Variants in CCT7 observed in about 807,000 individuals in gnomAD.
CCT7 encodes chaperonin containing TCP1 subunit 7.
In CCT7, 16 loss-of-function variants were observed where a neutral mutation model predicts 56.6. The observed-to-expected ratio is 0.28, with a 90% confidence interval of 0.19 to 0.43. The LOEUF is 0.43. Ranked by LOEUF, CCT7 falls within the 20% of genes least tolerant of loss-of-function variation. The probability of loss-of-function intolerance (pLI) is 1.00; values close to 1 mark genes in which losing one functional copy is unlikely to be tolerated. For synonymous variants in CCT7, 262 were observed against 254.8 expected (o/e 1.03, Z -0.27); for missense variants, 519 against 685.6 (o/e 0.76, Z 2.71).
chr2:73,248,899 T>G, intron 7 of CCT7, 92 bp from the exon 8 acceptor site: 1 of 995,982 alleles, frequency 1.0e-6, no homozygotes, highest in South Asian at 1.6e-5. Context: ...TCAGCATGTT[T>G]TATTTGGTGG....
chr2:73,243,714 C>A, intron 4 of CCT7: 1 of 372,552 alleles, frequency 2.7e-6, no homozygotes, highest in Non-Finnish European at 4.8e-6. Flanking sequence ...TGTTTCCACT[C>A]ATTCGTTGTA....
chr2:73,238,697 A>C (rs1686977538), intron 1 of CCT7, among the ~76,000 whole-genome samples: 1 of 152,266 alleles, frequency 6.6e-6, no homozygotes, highest in South Asian at 2.1e-4. Context: ...AATTAGCCAG[A>C]AACACTTGAG....
At chr2:73,243,915 C>G in intron 4 of CCT7, 82 bp from the exon 5 acceptor site, 2 of 1,284,870 alleles carry the variant, frequency 1.6e-6, no homozygotes, top group Non-Finnish European at 2.3e-6. Flanking sequence ...AGTGAACAGA[C>G]TCAGGACTAT....
At chr2:73,249,645 GT>G (rs139858711) in intron 8 of CCT7, among the ~76,000 whole-genome samples, 173 bp from the exon 9 acceptor site, 10,962 of 147,488 alleles carry the variant, frequency 0.074, 884 homozygotes, top group African/African-American at 0.21. Context: ...GTTCTATTTT[GT>G]TTTTTTTTTG....
At position 73,252,703 on chromosome 2, in the gene CCT7, G is replaced by A. The variant is rs781351580; in HGVS notation, c.1474G>A (p.Val492Met). The A allele has an allele frequency of 6.2e-6, 10 of 1,614,136 alleles. No individual in the cohort carries two copies. The East Asian group carries it at 8.9e-5, about 14-fold the overall frequency. The change falls in exon 12 of 12, where the codon GTG (valine) becomes ATG (methionine). Residue 492 changes from valine (V) to methionine (M), a missense_variant. Val to Met is a conservative substitution (Grantham distance 21, BLOSUM62 1). This residue lies in a region of CCT7 where 237 missense variants were observed against 300.8 expected (regional missense o/e 0.79). Coordinates refer to ENST00000258091, the MANE Select transcript of CCT7 (RefSeq NM_006429.4). ...CATTGCTGACAACTTTGAAGCTTTC[G>A]TGTGGGAGCCAGCTATGGTGCGGAT... The part of the protein sequence containing the change: ...EDIADNFEAF[V>M]WEPAMVRINA...
intron 1 of CCT7, among the ~76,000 whole-genome samples, chr2:73,235,180 A>C (rs370417810): frequency 2.6e-5 from 4 of 152,096 alleles, no homozygotes; most frequent in Non-Finnish European, 4.4e-5. Context: ...TCCTGGAGCC[A>C]CCTAAAGTGC....
intron 2 of CCT7, 90 bp downstream of exon 2, chr2:73,239,886 C>T: frequency 8.9e-7 from 1 of 1,124,820 alleles, no homozygotes; most frequent in Non-Finnish European, 1.3e-6. Flanking sequence ...ATCAGAAATC[C>T]CACTGCTTTT....
chr2:73,249,237 G>C (rs761883450), intron 8 of CCT7, 58 bp downstream of exon 8: 8 of 1,380,440 alleles, frequency 5.8e-6, no homozygotes, highest in Non-Finnish European at 8.0e-6. Context: ...GGTTTTCACT[G>C]ACCCCTGGTA....
At chr2:73,240,351 C>T (rs1056533616) in intron 2 of CCT7, 86 bp from the exon 3 acceptor site, 4 of 862,128 alleles carry the variant, frequency 4.6e-6, no homozygotes, top group African/African-American at 3.4e-5. Context: ...TCTGCCCCAT[C>T]CCAGTAAAGT....
At position 73,243,090 on chromosome 2, in the gene CCT7, C is replaced by T. The variant is rs1430913499; in HGVS notation, c.354C>T (p.Pro118=). ...VKPYVEEGLH[P]QIIIRAFRTA... ...CCTATGTGGAGGAAGGTTTACACCC[C>T]CAGATCATCATTCGAGCTTTCCGCA... Residue 118 remains proline, a synonymous_variant, in exon 4 of 12, where the codon CCC becomes CCT. Transcript: ENST00000258091. 1 of 1,613,880 alleles carries T rather than the reference C, an allele frequency of 6.2e-7. No individual in the cohort carries two copies. Among genetic ancestry groups the T allele is most frequent in the African/African-American group, 1.3e-5 (1 of 74,924 alleles).
Position 73,247,749 on chromosome 2 carries a change from T to A in CCT7, c.619-13T>A. 6.2e-7 allele frequency: 1 copy of A among 1,612,648 alleles called. No individual in the cohort carries two copies. Among genetic ancestry groups the A allele is most frequent in the Non-Finnish European group, 8.5e-7 (1 of 1,178,800 alleles). Reference sequence around the variant, plus strand: ...AGTACCAAACCATTAAAGTGTTTGTTTTTTTAAAACAGGATTCTCAGCTGG... The same window carrying A: ...AGTACCAAACCATTAAAGTGTTTGTATTTTTAAAACAGGATTCTCAGCTGG... On this transcript the variant is annotated splice_polypyrimidine_tract_variant and intron_variant, in intron 6 of 11. Coordinates refer to ENST00000258091, the MANE Select transcript of CCT7 (RefSeq NM_006429.4).
In CCT7 at chr2:73,240,947, G is replaced by A. The variant is rs1351360560; in HGVS notation, c.267+404G>A. Among the ~76,000 whole-genome samples, 5 of 145,818 alleles carry A rather than the reference G, an allele frequency of 3.4e-5. No individual in the cohort carries two copies. The Admixed American group carries it at 3.4e-4, about 10-fold the overall frequency. The stretch of plus-strand genomic sequence containing the variant: ...GATAGGGTCTTACTATGTTTCCCAG[G>A]TTGGCCTTGAACTCCGGGGCTCAAG... On this transcript the variant is annotated intron_variant, in intron 3 of 11. Coordinates refer to ENST00000258091, the MANE Select transcript of CCT7 (RefSeq NM_006429.4).
At position 73,249,041 on chromosome 2, in the gene CCT7, A is replaced by C. The variant is rs756778614; in HGVS notation, c.834A>C (p.Leu278Phe). ...DAEWNILYDK[L>F]EKIHHSGAKV... ...AGTGGAACATTCTCTATGACAAGTT[A>C]GAGAAGATCCATCATTCTGGAGCCA... Residue 278 changes from leucine to phenylalanine, a missense_variant, in exon 8 of 12, where the codon TTA (leucine) becomes TTC (phenylalanine). Transcript: ENST00000258091. 6.2e-7 allele frequency: 1 copy of C among 1,614,064 alleles called. No homozygotes were observed. Among genetic ancestry groups the C allele is most frequent in the Non-Finnish European group, 8.5e-7 (1 of 1,180,014 alleles).
chr2:73,252,295 T>A (rs1255100316), intron 11 of CCT7, among the ~76,000 whole-genome samples: 4 of 149,616 alleles, frequency 2.7e-5, no homozygotes, highest in African/African-American at 9.9e-5. Context: ...ATTTTTGTTA[T>A]TCCTGTTTAT....
intron 1 of CCT7, among the ~76,000 whole-genome samples, chr2:73,236,290 A>G (rs1203415989): frequency 6.6e-6 from 1 of 152,190 alleles, no homozygotes; most frequent in Non-Finnish European, 1.5e-5. Flanking sequence ...TGAAATTCCA[A>G]AACCTTCCAT....
chr2:73,237,115 A>G (rs1378886693), intron 1 of CCT7, among the ~76,000 whole-genome samples: 21 of 152,230 alleles, frequency 1.4e-4, no homozygotes, highest in Admixed American at 1.4e-3. Context: ...GCTTGTACTT[A>G]AGCTGGATGG....
At chr2:73,250,514 G>T in intron 10 of CCT7, 76 bp downstream of exon 10, 2 of 1,548,498 alleles carry the variant, frequency 1.3e-6, no homozygotes, top group Non-Finnish European at 1.8e-6. Flanking sequence ...TTGGATTTGT[G>T]TGGTGATTCC....
At chr2:73,248,902 T>C (rs2103801690) in intron 7 of CCT7, 89 bp from the exon 8 acceptor site, 1 of 1,016,076 alleles carries the variant, frequency 9.8e-7, no homozygotes, top group Middle Eastern at 3.3e-4. Context: ...GCATGTTTTA[T>C]TTGGTGGGGG....
intron 2 of CCT7, 197 bp downstream of exon 2, chr2:73,239,993 C>T: frequency 1.9e-6 from 1 of 526,890 alleles, no homozygotes; most frequent in Non-Finnish European, 3.3e-6. Flanking sequence ...AACCTAGGCT[C>T]AGGAGCCTGT....
Sources: gnomAD v4.1 joint callset for allele counts (sites outside exome capture counted in the v4.1 genomes callset) on GRCh38, gnomAD v4.1.1 for gene constraint, gnomAD v4.1.1 regional missense constraint, MANE v1.5 for transcripts, NCBI Gene and HGNC (gene_info 2026-07-23, HGNC 2026-07-21) for gene names.